SUMF1: variants seen among roughly 807,000 people sequenced by gnomAD.
SUMF1 encodes formylglycine-generating enzyme.
In SUMF1, 48 loss-of-function variants were observed where a neutral mutation model predicts 47.6. The observed-to-expected ratio is 1.01, with a 90% CI of 0.80 to 1.28. SUMF1 has a LOEUF of 1.28. SUMF1 is among the 50% of genes most tolerant of loss of function. The pLI is 0.00. For synonymous variants in SUMF1, 230 were observed against 192.1 expected (o/e 1.20, Z -1.63); for missense variants, 571 against 485.4 (o/e 1.18, Z -1.66).
At chr3:4,384,956 G>A (rs889405513) in intron 7 of SUMF1, among the ~76,000 whole-genome samples, 1 of 151,810 alleles carries the variant, frequency 6.6e-6, no homozygotes, top group African/African-American at 2.4e-5. Context: ...AGTAAGCTTG[G>A]GTCATTCCAA....
rs73807203 is a variant in SUMF1, at chr3:4,427,885, C to G, written c.520-7739G>C. 8.0e-3 allele frequency among the ~76,000 whole-genome samples: 1,216 copies of G among 152,090 alleles called. 25 individuals carry two copies. Among genetic ancestry groups the G allele is most frequent in the African/African-American group, 0.028 (1,161 of 41,484 alleles). ...GACTCAAAGAAGCCTTAAAAGTGAT[C>G]TAGTTTACTCATTTTCAGTTAAGAT... is the stretch of plus-strand genomic sequence containing the variant. On this transcript the variant is annotated intron_variant, in intron 3 of 8. Coordinates refer to ENST00000272902, the MANE Select transcript of SUMF1 (RefSeq NM_182760.4).
chr3:4,219,412 T>C (rs1696013227), intron 8 of SUMF1, among the ~76,000 whole-genome samples: 1 of 152,160 alleles, frequency 6.6e-6, no homozygotes, highest in African/African-American at 2.4e-5. Flanking sequence ...CCCACACTCA[T>C]ATCTTCTGAC....
At chr3:4,057,482 A>C (rs1417367584) in intron 9 of SUMF1, among the ~76,000 whole-genome samples, 1 of 152,188 alleles carries the variant, frequency 6.6e-6, no homozygotes, top group African/African-American at 2.4e-5. Flanking sequence ...TGAATAAAAG[A>C]AAGAACATAG....
At chr3:4,063,522 T>C (rs929472083) in intron 9 of SUMF1, among the ~76,000 whole-genome samples, 8 of 152,078 alleles carry the variant, frequency 5.3e-5, no homozygotes, top group East Asian at 1.9e-4. Flanking sequence ...GTCATAAATA[T>C]GTGTAGCTTT....
intron 1 of SUMF1, 87 bp downstream of exon 1, chr3:4,466,889 C>A: frequency 1.3e-6 from 2 of 1,536,214 alleles, no homozygotes; most frequent in East Asian, 2.4e-5. Flanking sequence ...CTTTACTTCC[C>A]TTCCTACTAG....
chr3:4,312,703 TA>T (rs375529794), intron 8 of SUMF1, among the ~76,000 whole-genome samples: 393 of 135,844 alleles, frequency 2.9e-3, no homozygotes, highest in Admixed American at 8.6e-3. Flanking sequence ...CCCTGTCTCT[TA>T]AAAAAAAAAA....
At chr3:4,070,019 C>T (rs76327930) in intron 8 of SUMF1, among the ~76,000 whole-genome samples, 6,481 of 152,194 alleles carry the variant, frequency 0.043, 429 homozygotes, top group East Asian at 0.19. Flanking sequence ...TGAGAAATTC[C>T]TCTGCACAAT....
At chr3:4,146,348 G>A (rs544679361) in intron 8 of SUMF1, among the ~76,000 whole-genome samples, 2 of 152,094 alleles carry the variant, frequency 1.3e-5, no homozygotes, top group African/African-American at 2.4e-5. Flanking sequence ...AGGAAAAAGA[G>A]GGAGCCACAG....
chr3:4,174,763 G>A (rs995999065), intron 8 of SUMF1, among the ~76,000 whole-genome samples: 1 of 152,146 alleles, frequency 6.6e-6, no homozygotes, highest in African/African-American at 2.4e-5. Flanking sequence ...AAGGGGTCAG[G>A]AGATTTCTCT....
chr3:4,353,401 C>T (rs999958359), intron 8 of SUMF1, among the ~76,000 whole-genome samples: 2 of 152,076 alleles, frequency 1.3e-5, no homozygotes, highest in Non-Finnish European at 2.9e-5. Flanking sequence ...TACAGGCACC[C>T]GCCACCACGC....
chr3:4,127,394 G>A (rs1333765198), intron 8 of SUMF1, among the ~76,000 whole-genome samples: 4 of 152,168 alleles, frequency 2.6e-5, no homozygotes, highest in Non-Finnish European at 5.9e-5. Flanking sequence ...TAACATTTGA[G>A]TCAGTGGGTT....
At chr3:4,363,526 T>C (rs1038113833) in intron 8 of SUMF1, among the ~76,000 whole-genome samples, 5 of 151,768 alleles carry the variant, frequency 3.3e-5, no homozygotes, top group African/African-American at 9.7e-5. Context: ...TCTCTGTTTG[T>C]CTGTTATTGG....
intron 8 of SUMF1, among the ~76,000 whole-genome samples, chr3:4,162,112 A>G (rs1179431306): frequency 6.6e-6 from 1 of 152,066 alleles, no homozygotes; most frequent in Non-Finnish European, 1.5e-5. Context: ...TTTGAGAGCT[A>G]GGGCCTGGAA....
At chr3:4,366,356 T>A (rs1014524887) in intron 8 of SUMF1, among the ~76,000 whole-genome samples, 1 of 152,222 alleles carries the variant, frequency 6.6e-6, no homozygotes, top group Non-Finnish European at 1.5e-5. Flanking sequence ...GGTACACCCA[T>A]CAGACGTAGA....
chr3:4,266,627 G>C (rs1697200395), intron 8 of SUMF1, among the ~76,000 whole-genome samples: 1 of 151,796 alleles, frequency 6.6e-6, no homozygotes, highest in Admixed American at 6.6e-5. Flanking sequence ...ATTTTGGGCT[G>C]AGACAATGGG....
At chr3:4,362,900 C>T (rs904339729) in intron 8 of SUMF1, among the ~76,000 whole-genome samples, 1 of 151,242 alleles carries the variant, frequency 6.6e-6, no homozygotes, top group Non-Finnish European at 1.5e-5. Flanking sequence ...GGTGACAGAG[C>T]AAGATCTTGT....
chr3:4,444,293 A>G (rs1347225621), intron 3 of SUMF1, among the ~76,000 whole-genome samples: 2 of 152,248 alleles, frequency 1.3e-5, no homozygotes, highest in African/African-American at 4.8e-5. Context: ...TATTGTTCCC[A>G]TGGCCACTTC....
chr3:4,239,415 G>GT (rs1439782407), intron 8 of SUMF1, among the ~76,000 whole-genome samples: 1 of 152,110 alleles, frequency 6.6e-6, no homozygotes, highest in Non-Finnish European at 1.5e-5. Context: ...AGCATGGAAT[G>GT]TTTTCCCATT....
At chr3:4,134,108 C>T (rs949985280) in intron 8 of SUMF1, among the ~76,000 whole-genome samples, 1 of 152,098 alleles carries the variant, frequency 6.6e-6, no homozygotes, top group Non-Finnish European at 1.5e-5. Context: ...CAGCTCTGCA[C>T]CACGCAGACC....
Sources: gnomAD v4.1 joint callset for allele counts (sites outside exome capture counted in the v4.1 genomes callset) on GRCh38, gnomAD v4.1.1 for gene constraint, MANE v1.5 for transcripts, NCBI Gene and HGNC (gene_info 2026-07-23, HGNC 2026-07-21) for gene names.